The following TMCO5A variants were observed in gnomAD, a reference collection of about 807,000 sequenced individuals.
TMCO5A encodes the protein transmembrane and coiled-coil domain-containing protein 5A.
A neutral mutation model predicts 42.3 loss-of-function variants in TMCO5A; 34 were observed. That is an observed-to-expected ratio of 0.80 (90% CI 0.61 to 1.07). The LOEUF (loss-of-function observed/expected upper bound fraction) is 1.07. TMCO5A is among the 50% of genes least tolerant of loss of function. The pLI is 0.00. For synonymous variants in TMCO5A, 131 were observed against 115.6 expected (o/e 1.13, Z -0.86); for missense variants, 357 against 327.9 (o/e 1.09, Z -0.69).
chr15:37,945,382 T>G (rs1346931281), intron 10 of TMCO5A, among the ~76,000 whole-genome samples: 2 of 152,168 alleles, frequency 1.3e-5, no homozygotes, highest in Non-Finnish European at 2.9e-5. Context: ...TTCCTTTGGG[T>G]ATATACCCAG....
chr15:37,964,806 A>G (rs1890518169), intron 11 of TMCO5A, among the ~76,000 whole-genome samples: 1 of 152,184 alleles, frequency 6.6e-6, no homozygotes, highest in Non-Finnish European at 1.5e-5. Flanking sequence ...ATGGATTGGA[A>G]GAATTAATAT....
At chr15:37,978,580 AG>A in the TMCO5A span, among the ~76,000 whole-genome samples, 1 of 152,072 alleles carries the variant, frequency 6.6e-6, no homozygotes, top group Non-Finnish European at 1.5e-5. Flanking sequence ...CCCCTGCCCA[AG>A]GGTAGTAAGG....
Position 37,936,918 on chromosome 15 carries a change from C to A in TMCO5A, c.212C>A (p.Thr71Lys). ...DEEWEKENRTTMERERALQEL... is the reference protein window; with the variant it reads ...DEEWEKENRTKMERERALQEL... Reference sequence around the variant, plus strand: ...GAGTGGGAGAAGGAGAACCGCACCACGATGGAAAGGGAAAGAGCCTTGCAG... The same window carrying A: ...GAGTGGGAGAAGGAGAACCGCACCAAGATGGAAAGGGAAAGAGCCTTGCAG... Residue 71 changes from threonine (T) to lysine (K), a missense_variant, in exon 4 of 12, where the codon ACG becomes AAG. Physicochemically the swap from Thr to Lys is moderately conservative, Grantham distance 78 (BLOSUM62 -1). Coordinates refer to ENST00000319669, the MANE Select transcript of TMCO5A (RefSeq NM_152453.4). The A allele has an allele frequency of 6.2e-7, 1 of 1,612,538 alleles. No individual in the cohort carries two copies. Among genetic ancestry groups the A allele is most frequent in the Non-Finnish European group, 8.5e-7 (1 of 1,179,138 alleles).
chr15:38,038,073 T>C, the TMCO5A span, among the ~76,000 whole-genome samples: 1 of 152,184 alleles, frequency 6.6e-6, no homozygotes, highest in African/African-American at 2.4e-5. Flanking sequence ...AAATCAACTA[T>C]GTAAATATAA....
the TMCO5A span, among the ~76,000 whole-genome samples, chr15:37,995,598 A>G: frequency 3.3e-5 from 5 of 152,158 alleles, no homozygotes; most frequent in South Asian, 1.0e-3. Flanking sequence ...TGTGCTTTCT[A>G]ATTTATGCTC....
the TMCO5A span, among the ~76,000 whole-genome samples, chr15:38,024,143 G>A: frequency 6.6e-6 from 1 of 152,160 alleles, no homozygotes; most frequent in Non-Finnish European, 1.5e-5. Context: ...ATGGTCTCTG[G>A]TTTTAATTTT....
chr15:38,030,706 G>A, the TMCO5A span, among the ~76,000 whole-genome samples: 1 of 152,082 alleles, frequency 6.6e-6, no homozygotes, highest in Admixed American at 6.5e-5. Flanking sequence ...CCTGCAATCT[G>A]CACTCCAGAA....
the TMCO5A span, among the ~76,000 whole-genome samples, chr15:37,979,516 A>G: frequency 6.6e-6 from 1 of 152,168 alleles, no homozygotes; most frequent in Non-Finnish European, 1.5e-5. Flanking sequence ...ATAAAAAACT[A>G]CTTTCACACA....
At chr15:37,997,825 C>G in the TMCO5A span, among the ~76,000 whole-genome samples, 10 of 152,158 alleles carry the variant, frequency 6.6e-5, no homozygotes, top group Non-Finnish European at 4.4e-5. Context: ...CACATTCACA[C>G]CAACAGTGTA....
chr15:38,010,012 T>G, the TMCO5A span, among the ~76,000 whole-genome samples: 27 of 152,172 alleles, frequency 1.8e-4, no homozygotes, highest in African/African-American at 5.8e-4. Flanking sequence ...GGTAAGGATC[T>G]TGAGATGAAG....
At chr15:37,947,994 C>T (rs1004809723) in intron 11 of TMCO5A, among the ~76,000 whole-genome samples, 3 of 152,092 alleles carry the variant, frequency 2.0e-5, no homozygotes, top group Non-Finnish European at 2.9e-5. Context: ...CTCTTATTTA[C>T]TGCCTTTTCC....
chr15:37,992,506 A>T, the TMCO5A span, among the ~76,000 whole-genome samples: 1 of 152,196 alleles, frequency 6.6e-6, no homozygotes, highest in African/African-American at 2.4e-5. Flanking sequence ...GTATATACCC[A>T]AAGGAATATA....
chr15:38,024,682 A>G, the TMCO5A span: 1 of 152,252 alleles, frequency 6.6e-6, no homozygotes, highest in Non-Finnish European at 1.5e-5. Context: ...CCCCTTAAGG[A>G]GATCTCATCA....
At chr15:37,936,801 A>C in intron 3 of TMCO5A, 46 bp from the exon 4 acceptor site, 1 of 1,606,850 alleles carries the variant, frequency 6.2e-7, no homozygotes. Flanking sequence ...ATCAGTTCTG[A>C]AACTGCCAAG....
the TMCO5A span, among the ~76,000 whole-genome samples, chr15:38,023,993 G>A: frequency 2.0e-4 from 31 of 152,230 alleles, no homozygotes; most frequent in East Asian, 3.5e-3. Flanking sequence ...TAGGACATGG[G>A]AACTCCTGTG....
At chr15:38,007,851 G>A in the TMCO5A span, among the ~76,000 whole-genome samples, 4 of 132,310 alleles carry the variant, frequency 3.0e-5, no homozygotes, top group East Asian at 9.6e-4. Flanking sequence ...GGGTTGTTCT[G>A]AGGGTGTAAA....
chr15:37,956,061 C>T (rs1890281869), downstream of TMCO5A, among the ~76,000 whole-genome samples: 1 of 152,250 alleles, frequency 6.6e-6, no homozygotes, highest in African/African-American at 2.4e-5. Context: ...AACAAAGACG[C>T]AATCTACCAG....
the TMCO5A span, among the ~76,000 whole-genome samples, chr15:37,991,987 CA>C: frequency 6.6e-6 from 1 of 152,096 alleles, no homozygotes; most frequent in African/African-American, 2.4e-5. Context: ...GCAATTGCAG[CA>C]AAAGCAAAAC....
chr15:37,964,670 G>C (rs1388396925), intron 11 of TMCO5A, among the ~76,000 whole-genome samples: 1 of 151,850 alleles, frequency 6.6e-6, no homozygotes, highest in Non-Finnish European at 1.5e-5. Context: ...ACTTATCATA[G>C]CCACAAATAA....
Sources: gnomAD v4.1 joint callset for allele counts (sites outside exome capture counted in the v4.1 genomes callset) on GRCh38, gnomAD v4.1.1 for gene constraint, MANE v1.5 for transcripts, NCBI Gene and HGNC (gene_info 2026-07-23, HGNC 2026-07-21) for gene names.